Variants in ATP10B observed in about 807,000 individuals in gnomAD.
ATP10B encodes the protein phospholipid-transporting ATPase VB.
In ATP10B, 122 loss-of-function variants were observed where a neutral mutation model predicts 141.2. That is an observed-to-expected ratio of 0.86 (90% CI 0.75 to 1.00). ATP10B has a LOEUF of 1.00. Among genes scored for constraint, ATP10B ranks in the 50% least tolerant of loss-of-function variants. The pLI is 0.00. For missense variants in ATP10B, 1,876 were observed against 1,825.3 expected, an observed-to-expected ratio of 1.03 and a Z score of -0.51; for synonymous variants, 685 against 692.0, an observed-to-expected ratio of 0.99 and a Z score of 0.16.
chr5:160,831,313 G>T (rs1307881171), intron 1 of ATP10B, among the ~76,000 whole-genome samples: 3 of 151,958 alleles, frequency 2.0e-5, no homozygotes, highest in Non-Finnish European at 2.9e-5. Flanking sequence ...TAACTGCACA[G>T]ATCACTTCTG....
intron 2 of ATP10B, among the ~76,000 whole-genome samples, chr5:160,720,426 T>C (rs1001100170): frequency 6.6e-6 from 1 of 152,234 alleles, no homozygotes; most frequent in Admixed American, 6.5e-5. Context: ...CTGGGAAATA[T>C]GTCTCTTAAC....
At chr5:160,683,184 C>T (rs192576991) in intron 6 of ATP10B, among the ~76,000 whole-genome samples, 43 of 152,100 alleles carry the variant, frequency 2.8e-4, no homozygotes, top group African/African-American at 7.2e-4. Context: ...TATTCAAAGG[C>T]GAGGAACGAC....
chr5:160,822,529 G>A (rs1774187624), intron 1 of ATP10B, among the ~76,000 whole-genome samples: 2 of 151,394 alleles, frequency 1.3e-5, no homozygotes, highest in African/African-American at 2.4e-5. Context: ...CCAAAGAAAT[G>A]GAATCAGTAT....
At chr5:160,653,008 T>A (rs1227922875) in intron 7 of ATP10B, among the ~76,000 whole-genome samples, 1 of 105,124 alleles carries the variant, frequency 9.5e-6, no homozygotes, top group Admixed American at 1.4e-4. Flanking sequence ...ATATATTATA[T>A]ATATTTATAT....
intron 3 of ATP10B, among the ~76,000 whole-genome samples, chr5:160,702,943 C>A (rs1201685145): frequency 3.3e-5 from 5 of 152,186 alleles, no homozygotes; most frequent in Non-Finnish European, 5.9e-5. Context: ...CTTACCTAAC[C>A]CTTTAGTTTC....
At chr5:160,716,147 G>A (rs1045000613) in intron 3 of ATP10B, among the ~76,000 whole-genome samples, 1 of 152,110 alleles carries the variant, frequency 6.6e-6, no homozygotes, top group Non-Finnish European at 1.5e-5. Flanking sequence ...TCATCATTCA[G>A]TAAATGTCAA....
intron 2 of ATP10B, among the ~76,000 whole-genome samples, chr5:160,737,893 T>C (rs898815330): frequency 6.6e-6 from 1 of 152,094 alleles, no homozygotes; most frequent in African/African-American, 2.4e-5. Context: ...CTTTCAGCAA[T>C]TGGTAGAAAT....
At chr5:160,568,966 A>C (rs764899058) in intron 25 of ATP10B, among the ~76,000 whole-genome samples, 1 of 152,210 alleles carries the variant, frequency 6.6e-6, no homozygotes, top group African/African-American at 2.4e-5. Context: ...AATAGTATTT[A>C]AACACTGGCA....
chr5:160,696,908 T>G (rs1466202391), intron 3 of ATP10B, among the ~76,000 whole-genome samples: 1 of 152,212 alleles, frequency 6.6e-6, no homozygotes, highest in Non-Finnish European at 1.5e-5. Context: ...TGGATTTGCT[T>G]GAGGAATGAC....
intron 24 of ATP10B, among the ~76,000 whole-genome samples, chr5:160,577,122 G>A (rs970835931): frequency 1.3e-5 from 2 of 152,228 alleles, no homozygotes; most frequent in Non-Finnish European, 2.9e-5. Context: ...TCAACTGCAA[G>A]TGACAGTGTG....
chr5:160,755,334 G>A (rs1439385985), intron 2 of ATP10B, among the ~76,000 whole-genome samples: 5 of 152,186 alleles, frequency 3.3e-5, no homozygotes, highest in South Asian at 4.1e-4. Flanking sequence ...CCTCCAATTC[G>A]GCATGAGATT....
intron 1 of ATP10B, among the ~76,000 whole-genome samples, chr5:160,819,063 G>T (rs2127958880): frequency 6.6e-6 from 1 of 152,192 alleles, no homozygotes; most frequent in African/African-American, 2.4e-5. Context: ...ACGAGTTAAT[G>T]GGTGCAGCAC....
the ATP10B span, among the ~76,000 whole-genome samples, chr5:160,926,315 A>G: frequency 6.6e-6 from 1 of 152,236 alleles, no homozygotes; most frequent in Non-Finnish European, 1.5e-5. Context: ...GGGTCTTCAG[A>G]AACTTAATGT....
chr5:160,895,255 T>G, the ATP10B span, among the ~76,000 whole-genome samples: 1 of 151,918 alleles, frequency 6.6e-6, no homozygotes, highest in South Asian at 2.1e-4. Context: ...AGACACAGAC[T>G]GACAAATTGG....
chr5:160,870,748 A>AC, the ATP10B span, among the ~76,000 whole-genome samples: 27 of 151,746 alleles, frequency 1.8e-4, no homozygotes, highest in Non-Finnish European at 2.5e-4. Context: ...CCAAAAAAAA[A>AC]CACAAAAAAC....
At chr5:160,847,997 A>T (rs1475513651) in intron 1 of ATP10B, among the ~76,000 whole-genome samples, 1 of 152,180 alleles carries the variant, frequency 6.6e-6, no homozygotes, top group African/African-American at 2.4e-5. Context: ...TCTATTTTCA[A>T]TATTATCCCT....
chr5:160,906,114 T>G, the ATP10B span, among the ~76,000 whole-genome samples: 2 of 152,186 alleles, frequency 1.3e-5, no homozygotes, highest in Admixed American at 6.5e-5. Flanking sequence ...CTGGGAAAGA[T>G]AGGTCCTGAG....
intron 7 of ATP10B, 121 bp from the exon 8 acceptor site, chr5:160,649,377 C>A: frequency 2.8e-6 from 2 of 702,608 alleles, no homozygotes; most frequent in South Asian, 2.0e-5. Flanking sequence ...CTTTGTCACA[C>A]TTTGATAGTT....
At chr5:160,740,479 C>T in intron 2 of ATP10B, among the ~76,000 whole-genome samples, 1 of 152,182 alleles carries the variant, frequency 6.6e-6, no homozygotes, top group Non-Finnish European at 1.5e-5. Context: ...TTGCTATAAC[C>T]TCTGCTTATC....
Sources: allele counts gnomAD v4.1 joint callset (sites outside exome capture counted in the v4.1 genomes callset), GRCh38; gene constraint gnomAD v4.1.1; transcripts MANE v1.5; gene names NCBI Gene and HGNC (gene_info 2026-07-23, HGNC 2026-07-21).